MAST2: variants seen among roughly 807,000 people sequenced by gnomAD.
MAST2 encodes the protein microtubule associated serine/threonine kinase 2.
Under a neutral mutation model 147.4 loss-of-function variants are expected in MAST2, and 70 were observed. That is an observed-to-expected ratio of 0.47 (90% CI 0.39 to 0.58). The LOEUF is 0.58. Ranked by LOEUF, MAST2 falls within the 20% of genes least tolerant of loss-of-function variation. The pLI is 0.00. For synonymous variants in MAST2, 869 were observed against 896.8 expected (o/e 0.97, Z 0.55); for missense variants, 2,080 against 2,302.3 (o/e 0.90, Z 1.98).
At chr1:46,013,595 G>A (rs916446182) in intron 10 of MAST2, among the ~76,000 whole-genome samples, 6 of 151,882 alleles carry the variant, frequency 4.0e-5, no homozygotes, top group African/African-American at 1.5e-4. Context: ...CAGGAGAATC[G>A]CTTGAACTCA....
intron 26 of MAST2, among the ~76,000 whole-genome samples, chr1:46,032,976 CAA>C (rs56069054): frequency 2.1e-4 from 28 of 132,280 alleles, no homozygotes; most frequent in East Asian, 4.4e-4. Context: ...ACTAAAAATA[CAA>C]AAAAAAAAAA....
chr1:46,032,345 C>T lies in MAST2; in HGVS notation c.3355C>T (p.Arg1119Trp), dbSNP rs768117856. 69 of 1,614,116 alleles carry T rather than the reference C, an allele frequency of 4.3e-5. No homozygotes were observed. In the Admixed American group the frequency reaches 6.2e-4, roughly 14 times the overall value. The change falls in exon 25 of 29, where the codon CGG becomes TGG. Residue 1119 changes from arginine (R) to tryptophan (W), a missense_variant. By Grantham distance (101) the Arg-to-Trp change is moderately radical. Coordinates refer to ENST00000361297, the MANE Select transcript of MAST2 (RefSeq NM_015112.3). ...RAGKKYGFTL[R>W]AIRVYMGDSD... is the part of the protein sequence containing the mutation. Reference sequence around the variant, plus strand: ...TGGCAAGAAGTATGGCTTCACCCTGCGGGCCATTCGCGTCTACATGGGTGA... The same window carrying T: ...TGGCAAGAAGTATGGCTTCACCCTGTGGGCCATTCGCGTCTACATGGGTGA...
At chr1:45,902,178 G>A (rs1649889870) in intron 4 of MAST2, among the ~76,000 whole-genome samples, 1 of 152,176 alleles carries the variant, frequency 6.6e-6, no homozygotes, top group Non-Finnish European at 1.5e-5. Context: ...TTCGTTGAAG[G>A]TTTTTAATCA....
intron 3 of MAST2, among the ~76,000 whole-genome samples, chr1:45,856,316 T>A (rs1329557915): frequency 6.6e-6 from 1 of 152,164 alleles, no homozygotes; most frequent in Non-Finnish European, 1.5e-5. Flanking sequence ...CAGTTACAAT[T>A]GTTTGTTGAG....
intron 5 of MAST2, among the ~76,000 whole-genome samples, chr1:45,974,215 C>T (rs1199116843): frequency 6.6e-6 from 1 of 152,076 alleles, no homozygotes; most frequent in Non-Finnish European, 1.5e-5. Flanking sequence ...ACAAACAGTC[C>T]TTCTCTAGGA....
intron 1 of MAST2, among the ~76,000 whole-genome samples, chr1:45,818,779 G>C (rs1181635953): frequency 6.6e-6 from 1 of 152,156 alleles, no homozygotes; most frequent in Admixed American, 6.5e-5. Flanking sequence ...TGTTGATGTT[G>C]TGAGTTGTCT....
chr1:45,925,733 T>G (rs559130098), intron 4 of MAST2, among the ~76,000 whole-genome samples: 1 of 152,332 alleles, frequency 6.6e-6, no homozygotes, highest in East Asian at 1.9e-4. Flanking sequence ...TTGGAAGCAT[T>G]CTAGCTTTAT....
chr1:45,922,948 C>G (rs971926264), intron 4 of MAST2, among the ~76,000 whole-genome samples: 5 of 152,186 alleles, frequency 3.3e-5, no homozygotes, highest in African/African-American at 1.2e-4. Flanking sequence ...ACATGGTGAT[C>G]TGCTCCATGG....
In MAST2 at chr1:46,034,814, C is replaced by T. The variant is rs1273122547; in HGVS notation, c.4145C>T (p.Pro1382Leu). Residue 1382 changes from proline (P) to leucine (L), a missense_variant, in exon 29 of 29, where the codon CCT (proline) becomes CTT (leucine). Pro to Leu is a moderately conservative substitution (Grantham distance 98). Around this residue, in one of 4 missense-constraint regions of MAST2, gnomAD observed 1,278 missense variants for 1,304.2 expected, o/e 0.98. Transcript: ENST00000361297. ...QAFPTKLHLS[P>L]PLGRQLSRPK... ...TTTCCCACAAAGCTTCACTTGTCAC[C>T]TCCCCTGGGCAGGCAACTCTCACGG... 1 of 1,614,188 alleles carries T rather than the reference C, an allele frequency of 6.2e-7. No homozygotes were observed. The highest frequency in any genetic ancestry group is 8.5e-7 in the Non-Finnish European group (1 of 1,180,040).
At chr1:45,810,506 T>A (rs1289121519) in intron 1 of MAST2, among the ~76,000 whole-genome samples, 1 of 152,090 alleles carries the variant, frequency 6.6e-6, no homozygotes, top group African/African-American at 2.4e-5. Flanking sequence ...TTGAGGGTCT[T>A]TAGTGTGATA....
chr1:45,918,685 G>T (rs1010878011), intron 4 of MAST2, among the ~76,000 whole-genome samples: 4 of 151,610 alleles, frequency 2.6e-5, no homozygotes, highest in South Asian at 4.2e-4. Flanking sequence ...TTATCCACCC[G>T]CCTCGGCCTC....
chr1:45,895,923 T>G (rs1648658794), intron 4 of MAST2, among the ~76,000 whole-genome samples: 1 of 152,258 alleles, frequency 6.6e-6, no homozygotes, highest in Non-Finnish European at 1.5e-5. Flanking sequence ...TATTTACACT[T>G]TTCTTTGGCT....
intron 4 of MAST2, among the ~76,000 whole-genome samples, chr1:45,883,892 G>GAAA (rs1274557839): frequency 6.6e-5 from 1 of 15,232 alleles, no homozygotes; most frequent in Non-Finnish European, 1.3e-4. Flanking sequence ...TTTGTACTTG[G>GAAA]TCATTTTTCT....
chr1:45,935,517 T>C (rs1380415546), intron 4 of MAST2, among the ~76,000 whole-genome samples: 1 of 152,348 alleles, frequency 6.6e-6, no homozygotes, highest in African/African-American at 2.4e-5. Flanking sequence ...AGGGTTGTTA[T>C]AGTTTTAGGT....
In MAST2 at chr1:45,805,529, G is replaced by A. The variant is rs151010228; in HGVS notation, c.177+1457G>A. On this transcript the variant is annotated intron_variant, in intron 1 of 28. Coordinates refer to ENST00000361297, the MANE Select transcript of MAST2 (RefSeq NM_015112.3). ...ATACTTATCTTTTACATTCTCTGCA[G>A]TATCATCTAGTCAAAACTTGTACAA... Among the ~76,000 whole-genome samples, 803 of 152,284 alleles carry A rather than the reference G, an allele frequency of 5.3e-3. 3 individuals carry two copies. Among genetic ancestry groups the A allele is most frequent in the Middle Eastern group, 6.8e-3 (2 of 294 alleles).
At chr1:45,988,349 A>G (rs924846471) in intron 5 of MAST2, among the ~76,000 whole-genome samples, 3 of 152,110 alleles carry the variant, frequency 2.0e-5, no homozygotes, top group Non-Finnish European at 4.4e-5. Context: ...TTGACCCACA[A>G]ATTATTCAGA....
intron 5 of MAST2, among the ~76,000 whole-genome samples, chr1:45,991,880 T>A (rs1644867811): frequency 6.6e-6 from 1 of 152,184 alleles, no homozygotes; most frequent in Admixed American, 6.5e-5. Flanking sequence ...CTTTTTGGTT[T>A]TGTTTTGCTT....
chr1:45,853,526 G>A (rs1259670848), intron 3 of MAST2, among the ~76,000 whole-genome samples: 1 of 151,696 alleles, frequency 6.6e-6, no homozygotes, highest in African/African-American at 2.4e-5. Context: ...TGTAATTTTT[G>A]TATTTTTAGT....
chr1:45,975,057 G>A (rs1447668039), intron 5 of MAST2, among the ~76,000 whole-genome samples: 1 of 152,150 alleles, frequency 6.6e-6, no homozygotes, highest in Non-Finnish European at 1.5e-5. Flanking sequence ...TGAGCCAGCA[G>A]GATGTCTACC....
Sources: gnomAD v4.1 joint callset for allele counts (sites outside exome capture counted in the v4.1 genomes callset) on GRCh38, gnomAD v4.1.1 for gene constraint, gnomAD v4.1.1 regional missense constraint, MANE v1.5 for transcripts, NCBI Gene and HGNC (gene_info 2026-07-23, HGNC 2026-07-21) for gene names.